The following SENP7 variants were observed in gnomAD, a reference collection of about 807,000 sequenced individuals.
SENP7 encodes the protein SUMO specific peptidase 7, also known as sentrin-specific protease 7.
A neutral mutation model predicts 141.2 loss-of-function variants in SENP7; 64 were observed. The ratio of observed to expected loss-of-function variants is 0.45; its 90% CI spans 0.37 to 0.56. SENP7 has a LOEUF of 0.56. Among genes scored for constraint, SENP7 ranks in the 20% least tolerant of loss-of-function variants. The pLI is 0.00. For missense variants in SENP7, 1,025 were observed against 1,212.2 expected, an observed-to-expected ratio of 0.85 and a Z score of 2.29; for synonymous variants, 382 against 426.4, an observed-to-expected ratio of 0.90 and a Z score of 1.28.
At chr3:101,493,484 T>C (rs1232402476) in intron 3 of SENP7, among the ~76,000 whole-genome samples, 1 of 152,214 alleles carries the variant, frequency 6.6e-6, no homozygotes, top group Non-Finnish European at 1.5e-5. Flanking sequence ...AAAGTCCAGA[T>C]TTATAATCAA....
chr3:101,437,814 G>C (rs2062447990), intron 4 of SENP7, among the ~76,000 whole-genome samples: 1 of 151,830 alleles, frequency 6.6e-6, no homozygotes, highest in South Asian at 2.1e-4. Context: ...GAAGATATAT[G>C]AATCTCTAAT....
At chr3:101,482,934 G>A (rs1159387644) in intron 3 of SENP7, among the ~76,000 whole-genome samples, 1 of 152,050 alleles carries the variant, frequency 6.6e-6, no homozygotes, top group Non-Finnish European at 1.5e-5. Flanking sequence ...TTACTAAAAA[G>A]TCAAAACAAC....
At chr3:101,489,074 G>A (rs1472375352) in intron 3 of SENP7, among the ~76,000 whole-genome samples, 1 of 152,136 alleles carries the variant, frequency 6.6e-6, no homozygotes. Context: ...ATTCATAAGT[G>A]AAAGAGAAAT....
intron 6 of SENP7, among the ~76,000 whole-genome samples, chr3:101,378,804 A>G (rs1402630726): frequency 6.6e-6 from 1 of 152,158 alleles, no homozygotes; most frequent in African/African-American, 2.4e-5. Context: ...AATAAAATCC[A>G]GAAAAAAATA....
intron 4 of SENP7, among the ~76,000 whole-genome samples, chr3:101,445,106 C>T (rs186298313): frequency 3.3e-4 from 50 of 152,130 alleles, no homozygotes; most frequent in Admixed American, 1.4e-3. Flanking sequence ...CATCAAGTCA[C>T]ATATAAGGGA....
chr3:101,333,627 C>T (rs1394063871), intron 17 of SENP7, among the ~76,000 whole-genome samples: 5 of 152,104 alleles, frequency 3.3e-5, no homozygotes, highest in Non-Finnish European at 7.4e-5. Context: ...ATTCATCTCC[C>T]TTCCTTTCAT....
intron 5 of SENP7, among the ~76,000 whole-genome samples, chr3:101,410,845 A>AAAAATAAAATAAAATAAAATAAAAT (rs139753697): frequency 0.19 from 24,383 of 125,796 alleles, 3,037 homozygotes; most frequent in Admixed American, 0.3. Context: ...ATTCTGTCTC[A>AAAAATAAAATAAAATAAAATAAAAT]AAAATAAAAT....
intron 6 of SENP7, among the ~76,000 whole-genome samples, chr3:101,382,990 G>A (rs184909444): frequency 6.6e-6 from 1 of 152,212 alleles, no homozygotes; most frequent in Non-Finnish European, 1.5e-5. Context: ...CCCTAATAAG[G>A]ACAAATACTA....
chr3:101,463,808 T>C (rs2063670011), intron 3 of SENP7, among the ~76,000 whole-genome samples: 1 of 152,006 alleles, frequency 6.6e-6, no homozygotes, highest in Non-Finnish European at 1.5e-5. Context: ...ATTTATTTAT[T>C]TACGTATTTA....
chr3:101,413,873 T>C (rs543397103), intron 5 of SENP7, among the ~76,000 whole-genome samples: 1 of 152,200 alleles, frequency 6.6e-6, no homozygotes, highest in South Asian at 2.1e-4. Context: ...AAGCTAGAGA[T>C]AAGCAAAGGC....
chr3:101,482,828 T>G (rs530458293), intron 3 of SENP7, among the ~76,000 whole-genome samples: 1 of 152,234 alleles, frequency 6.6e-6, no homozygotes, highest in African/African-American at 2.4e-5. Flanking sequence ...CAACTGATCT[T>G]TGGCCAAGAG....
intron 4 of SENP7, among the ~76,000 whole-genome samples, chr3:101,449,313 G>C (rs547439740): frequency 2.0e-5 from 3 of 152,250 alleles, no homozygotes; most frequent in South Asian, 2.1e-4. Flanking sequence ...TATTATCCAG[G>C]AGAACTTCCC....
At chr3:101,414,220 C>T in intron 5 of SENP7, 1 of 569,790 alleles carries the variant, frequency 1.8e-6, no homozygotes, top group Non-Finnish European at 3.1e-6. Flanking sequence ...GTGGGGTCAC[C>T]ATAACAGCTA....
chr3:101,478,107 C>T (rs143880389), intron 3 of SENP7, among the ~76,000 whole-genome samples: 384 of 151,988 alleles, frequency 2.5e-3, no homozygotes, highest in African/African-American at 8.9e-3. Flanking sequence ...TGAACAACTA[C>T]GAGCTAACAA....
intron 4 of SENP7, among the ~76,000 whole-genome samples, chr3:101,424,330 C>T (rs570583994): frequency 7.1e-5 from 10 of 141,530 alleles, no homozygotes; most frequent in East Asian, 7.0e-4. Context: ...CATCCCCGCA[C>T]GTTGCTTTGC....
At chr3:101,506,551 T>A (rs2065617990) in intron 1 of SENP7, among the ~76,000 whole-genome samples, 1 of 152,180 alleles carries the variant, frequency 6.6e-6, no homozygotes, top group South Asian at 2.1e-4. Flanking sequence ...CTAGGCATAC[T>A]GGATGCTATG....
At chr3:101,383,720 A>G (rs2060572722) in intron 6 of SENP7, among the ~76,000 whole-genome samples, 1 of 152,168 alleles carries the variant, frequency 6.6e-6, no homozygotes. Flanking sequence ...GCCAATGAGC[A>G]CAGGAGGGAA....
rs186122720 is a variant in SENP7 at position 101,395,813 on chromosome 3, A to C, written c.677+3048T>G. ...GAACACATGTTGGCACCCTCATTGT[A>C]GAAGATTTCAGTAACATCAACTATA... is the stretch of plus-strand genomic sequence containing the variant. On this transcript the variant is annotated intron_variant, in intron 6 of 23. Transcript: ENST00000394095. Among the ~76,000 whole-genome samples, 339 of 152,352 alleles carry C rather than the reference A, an allele frequency of 2.2e-3. 2 individuals are homozygous for C. The highest frequency in any genetic ancestry group is 3.0e-3 in the Non-Finnish European group (203 of 68,032).
At position 101,493,927 on chromosome 3, in the gene SENP7, A is replaced by C. The variant is rs2065062990; in HGVS notation, c.132T>G (p.Val44=). 8 of 1,610,642 alleles carry C rather than the reference A, an allele frequency of 5.0e-6. No individual in the cohort carries two copies. In the Middle Eastern group the frequency reaches 5.0e-4, roughly 100 times the overall value. The change falls in exon 3 of 24, where the codon GTT becomes GTG. Residue 44 remains valine (V), a synonymous_variant. Coordinates refer to ENST00000394095, the MANE Select transcript of SENP7 (RefSeq NM_020654.5). Reference sequence around the variant, plus strand: ...TTCTGAATTTGGACAGTGGTGATTGAACATGGACATCCTCTGGTTTTGCAT... The same window carrying C: ...TTCTGAATTTGGACAGTGGTGATTGCACATGGACATCCTCTGGTTTTGCAT... ...MLNAKPEDVH[V]QSPLSKFRSS...
Sources: allele counts gnomAD v4.1 joint callset (sites outside exome capture counted in the v4.1 genomes callset), GRCh38; gene constraint gnomAD v4.1.1; transcripts MANE v1.5; gene names NCBI Gene and HGNC (gene_info 2026-07-23, HGNC 2026-07-21).